XYLT1: variants seen among roughly 807,000 people sequenced by gnomAD.
The protein encoded by XYLT1 is beta-D-xylosyltransferase 1.
XYLT1 carries 36 observed loss-of-function variants against 91.3 expected under a neutral mutation model. The ratio of observed to expected loss-of-function variants is 0.39; its 90% CI spans 0.30 to 0.52. The LOEUF is 0.52. Ranked by LOEUF, XYLT1 falls within the 20% of genes least tolerant of loss-of-function variation. The pLI is 0.68. For missense variants in XYLT1, 1,242 were observed against 1,284.5 expected (o/e 0.97, Z 0.51); for synonymous variants, 588 against 532.0 (o/e 1.11, Z -1.45).
chr16:17,348,839 GTAT>G (rs1302937826), intron 2 of XYLT1, among the ~76,000 whole-genome samples: 2 of 152,218 alleles, frequency 1.3e-5, no homozygotes, highest in Non-Finnish European at 2.9e-5. Flanking sequence ...AAGCTCCGCA[GTAT>G]GCACAGCCCT....
At position 17,419,770 on chromosome 16, in the gene XYLT1, T is replaced by C. The variant is rs1361324234; in HGVS notation, c.363+50664A>G. On this transcript the variant is annotated intron_variant, in intron 1 of 11. Transcript: ENST00000261381. ...CTTAATATAGGGAAAAGCTAATCCA[T>C]GGACCTCTTTTTCCTTCTGTAAATT... 2.6e-5 allele frequency among the ~76,000 whole-genome samples: 4 copies of C among 152,034 alleles called. No individual in the cohort carries two copies. The South Asian group carries it at 8.3e-4, about 32-fold the overall frequency.
At chr16:17,300,668 C>T in intron 2 of XYLT1, among the ~76,000 whole-genome samples, 1 of 151,448 alleles carries the variant, frequency 6.6e-6, no homozygotes, top group Non-Finnish European at 1.5e-5. Context: ...CCACCTTGGC[C>T]ACGCTGGTCT....
chr16:17,305,758 T>C (rs909541136), intron 2 of XYLT1, among the ~76,000 whole-genome samples: 1 of 152,170 alleles, frequency 6.6e-6, no homozygotes, highest in Non-Finnish European at 1.5e-5. Context: ...CATTTGTAAC[T>C]ATAAGGACCC....
At chr16:17,453,011 G>A (rs946722563) in intron 1 of XYLT1, among the ~76,000 whole-genome samples, 1 of 152,092 alleles carries the variant, frequency 6.6e-6, no homozygotes, top group Admixed American at 6.6e-5. Context: ...CAGAATTTAA[G>A]GGTTAAGTTT....
At chr16:17,414,972 G>C (rs537673766) in intron 1 of XYLT1, among the ~76,000 whole-genome samples, 3 of 152,102 alleles carry the variant, frequency 2.0e-5, no homozygotes, top group Non-Finnish European at 4.4e-5. Context: ...CAGACCCCCC[G>C]CAGAGAAAAA....
intron 2 of XYLT1, among the ~76,000 whole-genome samples, chr16:17,284,742 A>G (rs2034108794): frequency 6.6e-6 from 1 of 152,216 alleles, no homozygotes; most frequent in African/African-American, 2.4e-5. Flanking sequence ...CGACTACACC[A>G]CTACACTACA....
chr16:17,455,746 C>T (rs934236507), intron 1 of XYLT1, among the ~76,000 whole-genome samples: 6 of 152,136 alleles, frequency 3.9e-5, no homozygotes, highest in African/African-American at 9.7e-5. Flanking sequence ...GCGGCGTCTG[C>T]GCATAAAGAT....
chr16:17,328,846 G>T (rs2034854726), intron 2 of XYLT1, among the ~76,000 whole-genome samples: 1 of 152,158 alleles, frequency 6.6e-6, no homozygotes. Context: ...ATAGAGTTTA[G>T]AAAAATTCCT....
At chr16:17,451,219 C>T (rs144054475) in intron 1 of XYLT1, among the ~76,000 whole-genome samples, 2 of 152,250 alleles carry the variant, frequency 1.3e-5, no homozygotes, top group East Asian at 1.9e-4. Context: ...TGTTGGGAAC[C>T]TCACCCCAGA....
chr16:17,145,325 G>C (rs1032131346), intron 6 of XYLT1, among the ~76,000 whole-genome samples: 6 of 152,286 alleles, frequency 3.9e-5, no homozygotes, highest in African/African-American at 1.4e-4. Context: ...CTAGCACCAG[G>C]GGGTGGGAAC....
In XYLT1 at chr16:17,118,427, T is replaced by C. The variant is rs189145970; in HGVS notation, c.2224-448A>G. The stretch of plus-strand genomic sequence containing the variant: ...ACACCTCCACTTGGTGCAATGGTTC[T>C]GAACAAGAATAGAGATCATGTTTTT... On this transcript the variant is annotated intron_variant, in intron 10 of 11. Transcript: ENST00000261381. Among the ~76,000 whole-genome samples the C allele has an allele frequency of 2.0e-5, 3 of 152,344 alleles. No homozygotes were observed. In the South Asian group the frequency reaches 6.2e-4, roughly 32 times the overall value.
At chr16:17,381,421 CTTTTTTTTTTT>C (rs11299875) in intron 1 of XYLT1, among the ~76,000 whole-genome samples, 41,111 of 130,538 alleles carry the variant, frequency 0.31, 6,787 homozygotes, top group Non-Finnish European at 0.4. Context: ...AAGGCAACAC[CTTTTTTTTTTT>C]TTTTTTTTTT....
intron 1 of XYLT1, among the ~76,000 whole-genome samples, chr16:17,386,694 T>C (rs980336241): frequency 2.6e-5 from 4 of 152,232 alleles, no homozygotes; most frequent in Admixed American, 6.5e-5. Flanking sequence ...CGAGCCAGTT[T>C]AGAGCAGTAA....
At chr16:17,234,574 C>T (rs911932307) in intron 3 of XYLT1, among the ~76,000 whole-genome samples, 1 of 150,178 alleles carries the variant, frequency 6.7e-6, no homozygotes, top group Non-Finnish European at 1.5e-5. Flanking sequence ...ACTAACAGCT[C>T]ATTGACTACT....
At chr16:17,275,245 T>G (rs973783423) in intron 2 of XYLT1, among the ~76,000 whole-genome samples, 5 of 152,184 alleles carry the variant, frequency 3.3e-5, no homozygotes, top group African/African-American at 9.7e-5. Flanking sequence ...GCAATTAGTA[T>G]CCACATTTCA....
At chr16:17,309,472 C>A (rs2034513442) in intron 2 of XYLT1, among the ~76,000 whole-genome samples, 1 of 152,160 alleles carries the variant, frequency 6.6e-6, no homozygotes, top group Non-Finnish European at 1.5e-5. Flanking sequence ...GGCAAGCCCT[C>A]TGGCTTGCCT....
At chr16:17,165,471 G>A (rs565176267) in intron 5 of XYLT1, among the ~76,000 whole-genome samples, 1 of 151,990 alleles carries the variant, frequency 6.6e-6, no homozygotes, top group Non-Finnish European at 1.5e-5. Context: ...CGGATCATGA[G>A]GTCAAGAGAT....
intron 5 of XYLT1, among the ~76,000 whole-genome samples, chr16:17,171,735 G>A (rs2031824888): frequency 6.6e-6 from 1 of 152,234 alleles, no homozygotes; most frequent in African/African-American, 2.4e-5. Context: ...CCCAGGTTGG[G>A]GCTGGGCAGC....
intron 1 of XYLT1, among the ~76,000 whole-genome samples, chr16:17,406,626 G>A (rs2036036244): frequency 6.6e-6 from 1 of 152,352 alleles, no homozygotes; most frequent in South Asian, 2.1e-4. Flanking sequence ...AAGCAGATGG[G>A]AAGACAAGTG....
Sources: gnomAD v4.1 joint callset for allele counts (sites outside exome capture counted in the v4.1 genomes callset) on GRCh38, gnomAD v4.1.1 for gene constraint, MANE v1.5 for transcripts, NCBI Gene and HGNC (gene_info 2026-07-23, HGNC 2026-07-21) for gene names.